The following SYCP1 variants were observed in gnomAD, a reference collection of about 807,000 sequenced individuals.
The protein encoded by SYCP1 is cancer/testis antigen 8.
In SYCP1, 64 loss-of-function variants were observed where a neutral mutation model predicts 153.1. The observed-to-expected ratio is 0.42, with a 90% CI of 0.34 to 0.51. SYCP1 has a LOEUF of 0.51. Ranked by LOEUF, SYCP1 falls within the 20% of genes least tolerant of loss-of-function variation. SYCP1 has a pLI of 0.06. For synonymous variants in SYCP1, 384 were observed against 341.8 expected, an observed-to-expected ratio of 1.12 and a Z score of -1.36; for missense variants, 997 against 1,049.0, an observed-to-expected ratio of 0.95 and a Z score of 0.68.
chr1:114,990,497 G>T (rs548094659), intron 30 of SYCP1, among the ~76,000 whole-genome samples: 1 of 151,948 alleles, frequency 6.6e-6, no homozygotes, highest in Non-Finnish European at 1.5e-5. Context: ...TTAGAACAGA[G>T]CTAAGTTAGA....
intron 12 of SYCP1, among the ~76,000 whole-genome samples, chr1:114,881,501 ATCCT>A (rs71093615): frequency 0.14 from 14,742 of 102,668 alleles, 1,161 homozygotes; most frequent in African/African-American, 0.26. Context: ...GGAAGGTATT[ATCCT>A]TCCTTCCTTC....
intron 27 of SYCP1, among the ~76,000 whole-genome samples, chr1:114,951,975 A>G (rs2101849331): frequency 6.6e-6 from 1 of 152,306 alleles, no homozygotes; most frequent in Non-Finnish European, 1.5e-5. Flanking sequence ...GTTGGAAAGC[A>G]GATAGAAAAA....
Position 114,994,707 on chromosome 1 carries a change from T to G in SYCP1, c.2713T>G (p.Ser905Ala). The G allele has an allele frequency of 6.4e-7, 1 of 1,559,186 alleles. No homozygotes were observed. The highest frequency in any genetic ancestry group is 1.3e-5 in the South Asian group (1 of 79,472). Residue 905 changes from serine to alanine, a missense_variant, in exon 31 of 32, where the codon TCA becomes GCA. By Grantham distance (99) the Ser-to-Ala change is moderately conservative (BLOSUM62 1). Around this residue, in one of 2 missense-constraint regions of SYCP1, gnomAD observed 712 missense variants for 682.9 expected, o/e 1.04. Coordinates refer to ENST00000369522, the MANE Select transcript of SYCP1 (RefSeq NM_003176.4). ...SETTDLLSMV[S>A]EEETLKTLYR... ...TTTATTTTTCTTCAAGAGCATGGTT[T>G]CAGAAGAAGAGACATTGAAAACACT...
At chr1:114,941,182 T>C (rs1670361926) in intron 23 of SYCP1, among the ~76,000 whole-genome samples, 1 of 152,112 alleles carries the variant, frequency 6.6e-6, no homozygotes, top group Admixed American at 6.6e-5. Context: ...GGATACTGTA[T>C]TGTCCATTTA....
chr1:114,975,260 C>G (rs1030240154), intron 27 of SYCP1, among the ~76,000 whole-genome samples: 1 of 124,580 alleles, frequency 8.0e-6, no homozygotes, highest in African/African-American at 2.6e-5. Context: ...GATTATATAT[C>G]TTAATAATGT....
chr1:114,940,052 T>C (rs907554185), intron 23 of SYCP1, among the ~76,000 whole-genome samples: 4 of 152,150 alleles, frequency 2.6e-5, no homozygotes, highest in African/African-American at 9.7e-5. Flanking sequence ...CTTCTTTTGT[T>C]TTTTTCTTTA....
At position 114,926,562 on chromosome 1, in the gene SYCP1, AGG is replaced by A; in HGVS notation, c.1926_1926+1del. ...AAGCAACTGAATGTTTATGAGATAA[AGG>A]TATTTGGCATCTTTATTTTTGTTTT... On this transcript the variant is annotated splice_donor_variant and coding_sequence_variant, in exon 23 of 32. Transcript: ENST00000369522. LOFTEE classifies it high-confidence loss of function. 1 of 1,593,734 alleles carries A rather than the reference AGG, an allele frequency of 6.3e-7. No individual in the cohort carries two copies.
chr1:114,887,720 C>G (rs202057104), intron 15 of SYCP1, 27 bp downstream of exon 15: 1 of 1,358,650 alleles, frequency 7.4e-7, no homozygotes, highest in African/African-American at 1.5e-5. Context: ...AATGTGTGTA[C>G]TTTAATAATA....
At chr1:114,924,030 G>GT (rs1191962909) in intron 21 of SYCP1, among the ~76,000 whole-genome samples, 2 of 152,136 alleles carry the variant, frequency 1.3e-5, no homozygotes, top group African/African-American at 4.8e-5. Flanking sequence ...CTTTGATTGT[G>GT]TTTTTTCATT....
intron 2 of SYCP1, among the ~76,000 whole-genome samples, chr1:114,855,791 A>G (rs547824043): frequency 2.0e-5 from 3 of 152,344 alleles, no homozygotes; most frequent in East Asian, 3.9e-4. Context: ...CTCTGCATAC[A>G]TAGTGGAACG....
chr1:114,871,556 T>A (rs2101420634), intron 8 of SYCP1, among the ~76,000 whole-genome samples: 1 of 152,200 alleles, frequency 6.6e-6, no homozygotes, highest in African/African-American at 2.4e-5. Flanking sequence ...ACATTGTTGC[T>A]ATTTTTTTGT....
chr1:114,966,293 A>G (rs1469811627), intron 27 of SYCP1, among the ~76,000 whole-genome samples: 1 of 151,706 alleles, frequency 6.6e-6, no homozygotes, highest in African/African-American at 2.4e-5. Flanking sequence ...TCAAAAAACC[A>G]GCTCCTAGAT....
chr1:114,945,368 T>C (rs1248711424), intron 25 of SYCP1, among the ~76,000 whole-genome samples: 1 of 152,034 alleles, frequency 6.6e-6, no homozygotes, highest in Non-Finnish European at 1.5e-5. Context: ...AAGGAATAAA[T>C]AGATGAAATA....
At chr1:114,903,933 T>C (rs1039074081) in intron 16 of SYCP1, among the ~76,000 whole-genome samples, 3 of 152,172 alleles carry the variant, frequency 2.0e-5, no homozygotes, top group African/African-American at 7.2e-5. Flanking sequence ...CTCTCTTACA[T>C]TTTCTTGGTG....
chr1:114,946,294 A>G lies in SYCP1; in HGVS notation c.2160A>G (p.Gln720=). The G allele has an allele frequency of 6.4e-7, 1 of 1,565,632 alleles. No homozygotes were observed. Among genetic ancestry groups the G allele is most frequent in the African/African-American group, 1.4e-5 (1 of 71,482 alleles). ...MVALMEKHKH[Q]YDKIIEERDS... ...GTCTTCTTTGTTTAATATAGCACCA[A>G]TATGATAAGATCATTGAAGAAAGAG... The change falls in exon 26 of 32, where the codon CAA becomes CAG. Residue 720 remains glutamine, a synonymous_variant. Transcript: ENST00000369522.
chr1:114,874,507 T>C lies in SYCP1; in HGVS notation c.600T>C (p.Tyr200=). ...CARSAEKTKK[Y]EYEREETRQV... ...TTGAAATTTTTATATTAACAATAGA[T>C]GAATATGAACGGGAAGAAACCAGGC... Residue 200 remains tyrosine, a splice_region_variant and synonymous_variant, in exon 9 of 32, where the codon TAT becomes TAC. Coordinates refer to ENST00000369522, the MANE Select transcript of SYCP1 (RefSeq NM_003176.4). 6.5e-7 allele frequency: 1 copy of C among 1,546,104 alleles called. No individual in the cohort carries two copies. The highest frequency in any genetic ancestry group is 8.8e-7 in the Non-Finnish European group (1 of 1,131,928).
At chr1:114,875,334 C>G (rs2101460647) in intron 9 of SYCP1, among the ~76,000 whole-genome samples, 1 of 149,086 alleles carries the variant, frequency 6.7e-6, no homozygotes, top group South Asian at 2.1e-4. Flanking sequence ...AACCTCGGCT[C>G]ACTGCAAGCT....
intron 12 of SYCP1, among the ~76,000 whole-genome samples, chr1:114,880,920 C>G (rs72694082): frequency 0.061 from 9,261 of 151,922 alleles, 324 homozygotes; most frequent in Middle Eastern, 0.14. Context: ...TTGTTATTGC[C>G]TAATTTATTT....
At chr1:114,944,544 C>A in intron 24 of SYCP1, 89 bp downstream of exon 24, 1 of 790,180 alleles carries the variant, frequency 1.3e-6, no homozygotes, top group Non-Finnish European at 2.0e-6. Context: ...AAAATCTTAA[C>A]TATTAAATTA....
Sources: gnomAD v4.1 joint callset for allele counts (sites outside exome capture counted in the v4.1 genomes callset) on GRCh38, gnomAD v4.1.1 for gene constraint, gnomAD v4.1.1 regional missense constraint, MANE v1.5 for transcripts, NCBI Gene and HGNC (gene_info 2026-07-23, HGNC 2026-07-21) for gene names.